Variants in HECW1 observed in about 807,000 individuals in gnomAD.
The protein encoded by HECW1 is E3 ubiquitin-protein ligase HECW1.
A neutral mutation model predicts 182.3 loss-of-function variants in HECW1; 61 were observed. That is an observed-to-expected ratio of 0.33 (90% confidence interval 0.27 to 0.41). The LOEUF (loss-of-function observed/expected upper bound fraction) is 0.41, where lower values mean the gene tolerates loss of function less well. HECW1 is among the 10% of genes least tolerant of loss of function. The pLI is 1.00. For missense variants in HECW1, 1,739 were observed against 2,108.9 expected (o/e 0.82, Z 3.44); for synonymous variants, 859 against 832.6 (o/e 1.03, Z -0.55).
At chr7:43,391,911 A>G (rs911849063) in intron 6 of HECW1, among the ~76,000 whole-genome samples, 1 of 152,104 alleles carries the variant, frequency 6.6e-6, no homozygotes, top group Non-Finnish European at 1.5e-5. Context: ...TGCTCTTTTA[A>G]GGTGGCTTTG....
At chr7:43,267,845 T>C (rs1801962633) in intron 3 of HECW1, among the ~76,000 whole-genome samples, 1 of 152,134 alleles carries the variant, frequency 6.6e-6, no homozygotes, top group Non-Finnish European at 1.5e-5. Context: ...CCTTAGAAAA[T>C]TACCATACTT....
intron 3 of HECW1, among the ~76,000 whole-genome samples, chr7:43,303,726 T>G (rs529198264): frequency 4.6e-5 from 7 of 152,226 alleles, no homozygotes; most frequent in African/African-American, 1.7e-4. Flanking sequence ...AAAGCACAAA[T>G]TGAGGCACAG....
intron 14 of HECW1, among the ~76,000 whole-genome samples, chr7:43,465,880 C>A (rs192766946): frequency 6.8e-6 from 1 of 147,382 alleles, no homozygotes; most frequent in Non-Finnish European, 1.5e-5. Context: ...GATGACAGAG[C>A]GAGACGCTGT....
chr7:43,483,495 T>C (rs977427479), intron 17 of HECW1, among the ~76,000 whole-genome samples: 1 of 151,120 alleles, frequency 6.6e-6, no homozygotes, highest in Non-Finnish European at 1.5e-5. Flanking sequence ...TCACTTCACA[T>C]AGGGAGTTCA....
At chr7:43,289,605 G>T (rs1473771732) in intron 3 of HECW1, among the ~76,000 whole-genome samples, 1 of 152,226 alleles carries the variant, frequency 6.6e-6, no homozygotes, top group African/African-American at 2.4e-5. Flanking sequence ...GGTAGATCAG[G>T]CATATGCCCA....
chr7:43,550,961 G>T (rs1375218691), intron 27 of HECW1, among the ~76,000 whole-genome samples: 1 of 152,184 alleles, frequency 6.6e-6, no homozygotes, highest in African/African-American at 2.4e-5. Flanking sequence ...ACATTGGGGG[G>T]TATTGTCCAC....
At chr7:43,436,216 G>GA (rs1394292498) in intron 8 of HECW1, among the ~76,000 whole-genome samples, 2 of 120,790 alleles carry the variant, frequency 1.7e-5, no homozygotes, top group African/African-American at 6.3e-5. Flanking sequence ...CAGAATAAAA[G>GA]AAAAATATGT....
intron 8 of HECW1, among the ~76,000 whole-genome samples, chr7:43,408,170 G>T (rs1318050890): frequency 6.6e-6 from 1 of 152,120 alleles, no homozygotes; most frequent in Non-Finnish European, 1.5e-5. Context: ...CCTGGGATAG[G>T]TGAATCAGTA....
chr7:43,258,711 C>T (rs139925303), intron 3 of HECW1: 214 of 152,270 alleles, frequency 1.4e-3, no homozygotes, highest in African/African-American at 4.8e-3. Flanking sequence ...TAACTGAAAA[C>T]GTACTTGTTA....
intron 2 of HECW1, among the ~76,000 whole-genome samples, chr7:43,175,906 C>G (rs762839891): frequency 1.2e-4 from 19 of 152,142 alleles, no homozygotes; most frequent in Non-Finnish European, 2.1e-4. Context: ...AATTATATCT[C>G]AAGTCTTAAA....
At chr7:43,137,528 T>TTTATTTA (rs1562585528) in intron 2 of HECW1, among the ~76,000 whole-genome samples, 23,796 of 147,482 alleles carry the variant, frequency 0.16, 2,095 homozygotes, top group East Asian at 0.24. Context: ...TTCTGCCTTC[T>TTTATTTA]TTTATTTATT....
intron 3 of HECW1, chr7:43,258,460 T>C (rs1216907824): frequency 2.0e-5 from 3 of 152,312 alleles, no homozygotes; most frequent in South Asian, 2.1e-4. Context: ...GTTTTTCTAG[T>C]GTAGCGTGCC....
chr7:43,182,612 T>C (rs914006007), intron 2 of HECW1, among the ~76,000 whole-genome samples: 6 of 152,236 alleles, frequency 3.9e-5, no homozygotes, highest in Non-Finnish European at 7.3e-5. Context: ...TGTTCTTTTT[T>C]CTCAAGATTG....
intron 6 of HECW1, among the ~76,000 whole-genome samples, chr7:43,361,892 A>G (rs1200245274): frequency 6.8e-6 from 1 of 146,856 alleles, no homozygotes; most frequent in Admixed American, 6.9e-5. Context: ...TGTAATCCCA[A>G]CACTTTGGGA....
At chr7:43,544,333 A>G (rs1484601053) in intron 26 of HECW1, among the ~76,000 whole-genome samples, 1 of 152,262 alleles carries the variant, frequency 6.6e-6, no homozygotes, top group African/African-American at 2.4e-5. Context: ...TAGAAAAGTC[A>G]CAAAGAATAT....
At position 43,319,601 on chromosome 7, in the gene HECW1, C is replaced by CTTTTTTTTTTTTTTTTT. The variant is rs796502195; in HGVS notation, c.353-1026_353-1010dup. ...CTGTTCTTTTCCTTTCTTTTCTTTT[C>CTTTTTTTTTTTTTTTTT]TTTTTTTTTTTTTTTTTTTTTTTTG... is the stretch of plus-strand genomic sequence containing the variant. On this transcript the variant is annotated intron_variant, in intron 4 of 29. Transcript: ENST00000395891. 6.7e-4 allele frequency among the ~76,000 whole-genome samples: 32 copies of CTTTTTTTTTTTTTTTTT among 47,458 alleles called. 3 individuals are homozygous for CTTTTTTTTTTTTTTTTT. Among genetic ancestry groups the CTTTTTTTTTTTTTTTTT allele is most frequent in the African/African-American group, 2.3e-3 (18 of 7,896 alleles). The allele number at this position is 47,458 out of a possible 152,430, so 31.1% of individuals were successfully genotyped here. A position where few individuals can be genotyped will look rare whatever the true frequency, so the allele number is the denominator to read the frequency against.
chr7:43,343,714 C>T lies in HECW1; in HGVS notation c.461-17172C>T, dbSNP rs567434750. Among the ~76,000 whole-genome samples the T allele has an allele frequency of 7.2e-5, 11 of 151,946 alleles. No individual in the cohort carries two copies. In the South Asian group the frequency reaches 1.7e-3, roughly 23 times the overall value. On this transcript the variant is annotated intron_variant, in intron 5 of 29. Coordinates refer to ENST00000395891, the MANE Select transcript of HECW1 (RefSeq NM_015052.5). The stretch of plus-strand genomic sequence containing the variant: ...CAAGTCTTTGCTATTGTGAATAGTG[C>T]CGCAATAAAAATACGTGTGCATGTG...
Position 43,556,424 on chromosome 7 carries a change from C to T in HECW1, c.4709+1634C>T, listed in dbSNP as rs112429440. 5.0e-3 allele frequency among the ~76,000 whole-genome samples: 766 copies of T among 152,330 alleles called. 10 individuals are homozygous for T. The highest frequency in any genetic ancestry group is 0.017 in the African/African-American group (725 of 41,586). ...CCTGCTGTCTGGGCGCAGTGGCTCACGCCTGTAATCCTAGCACTGTGGGAG... is the reference window on the plus strand; with the variant it reads ...CCTGCTGTCTGGGCGCAGTGGCTCATGCCTGTAATCCTAGCACTGTGGGAG... On this transcript the variant is annotated intron_variant, in intron 29 of 29. Transcript: ENST00000395891.
At position 43,492,120 on chromosome 7, in the gene HECW1, C is replaced by G. The variant is rs1427041520; in HGVS notation, c.3280C>G (p.Pro1094Ala). Residue 1094 changes from proline to alanine, a missense_variant, in exon 18 of 30, where the codon CCA becomes GCA. This residue lies in a region of HECW1 where 971 missense variants were observed against 1,029.1 expected (regional missense o/e 0.94). Coordinates refer to ENST00000395891, the MANE Select transcript of HECW1 (RefSeq NM_015052.5). ...CAGAGGAGCCTCTTTACTGGCCAGGCCAGGACACAGCTTAGTAGCTGCTAT... is the reference window on the plus strand; with the variant it reads ...CAGAGGAGCCTCTTTACTGGCCAGGGCAGGACACAGCTTAGTAGCTGCTAT... Reference protein sequence around the residue: ...RNRGASLLARPGHSLVAAIRS... With the variant: ...RNRGASLLARAGHSLVAAIRS... The G allele has an allele frequency of 6.2e-7, 1 of 1,606,644 alleles. No homozygotes were observed. Among genetic ancestry groups the G allele is most frequent in the African/African-American group, 1.3e-5 (1 of 74,214 alleles).
Sources: gnomAD v4.1 joint callset for allele counts (sites outside exome capture counted in the v4.1 genomes callset) on GRCh38, gnomAD v4.1.1 for gene constraint, gnomAD v4.1.1 regional missense constraint, MANE v1.5 for transcripts, NCBI Gene and HGNC (gene_info 2026-07-23, HGNC 2026-07-21) for gene names.